SLC12A7: variants seen among roughly 807,000 people sequenced by gnomAD.
SLC12A7 encodes solute carrier family 12 member 7.
In SLC12A7, 100 loss-of-function variants were observed where a neutral mutation model predicts 120.6. The observed-to-expected ratio is 0.83, with a 90% CI of 0.71 to 0.98. The LOEUF (loss-of-function observed/expected upper bound fraction) is 0.98. Ranked by LOEUF, SLC12A7 falls within the 50% of genes least tolerant of loss-of-function variation. The pLI, the probability that SLC12A7 is intolerant of heterozygous loss-of-function variation, is 0.00. For synonymous variants in SLC12A7, 760 were observed against 678.0 expected (o/e 1.12, Z -1.88); for missense variants, 1,373 against 1,548.1 (o/e 0.89, Z 1.90).
Position 1,078,769 on chromosome 5 carries a change from C to G in SLC12A7, c.1397-11G>C. ...CAATGCAGGAGAGATCCACAGCCCT[C>G]GTCAAGGAAAGGCAGGTCCGTGGGT... On this transcript the variant is annotated splice_polypyrimidine_tract_variant and intron_variant, in intron 10 of 23. Coordinates refer to ENST00000264930, the MANE Select transcript of SLC12A7 (RefSeq NM_006598.3). The G allele has an allele frequency of 1.3e-6, 2 of 1,593,664 alleles. No homozygotes were observed. The highest frequency in any genetic ancestry group is 1.7e-6 in the Non-Finnish European group (2 of 1,170,878).
intron 23 of SLC12A7, among the ~76,000 whole-genome samples, chr5:1,052,780 C>T (rs1353456161): frequency 6.6e-6 from 1 of 152,220 alleles, no homozygotes; most frequent in Non-Finnish European, 1.5e-5. Context: ...TACAGGGGAC[C>T]TGGGCCACGG....
chr5:1,153,541 C>T, the SLC12A7 span, among the ~76,000 whole-genome samples: 8 of 152,308 alleles, frequency 5.3e-5, no homozygotes, highest in South Asian at 8.3e-4. Context: ...AGGGTCGGCC[C>T]GACTCAGGAC....
chr5:1,120,325 C>T, the SLC12A7 span, among the ~76,000 whole-genome samples: 6 of 152,344 alleles, frequency 3.9e-5, no homozygotes, highest in South Asian at 1.2e-3. Flanking sequence ...CCGGCAGTGT[C>T]CGGATCACAC....
the SLC12A7 span, among the ~76,000 whole-genome samples, chr5:1,125,416 A>C: frequency 6.6e-6 from 1 of 152,142 alleles, no homozygotes; most frequent in Admixed American, 6.5e-5. Flanking sequence ...AGTGCATAAT[A>C]ATGGTATTTT....
At chr5:1,092,703 G>A (rs1378141919) in intron 3 of SLC12A7, among the ~76,000 whole-genome samples, 1 of 152,130 alleles carries the variant, frequency 6.6e-6, no homozygotes, top group Non-Finnish European at 1.5e-5. Context: ...CAGGGCCTGC[G>A]CTGCTTGGTT....
chr5:1,098,053 A>G (rs959077790), intron 1 of SLC12A7, among the ~76,000 whole-genome samples: 2 of 151,424 alleles, frequency 1.3e-5, no homozygotes, highest in South Asian at 2.1e-4. Flanking sequence ...TAAAAATCCA[A>G]TGCCCTCTCT....
the SLC12A7 span, among the ~76,000 whole-genome samples, chr5:1,118,479 C>T: frequency 6.6e-6 from 1 of 152,236 alleles, no homozygotes; most frequent in African/African-American, 2.4e-5. Flanking sequence ...CTGGCAGCAG[C>T]GCCAGGGATT....
chr5:1,139,069 G>GC, the SLC12A7 span, among the ~76,000 whole-genome samples: 3 of 49,118 alleles, frequency 6.1e-5, no homozygotes, highest in Non-Finnish European at 1.0e-4. Flanking sequence ...GCTTGGGGTG[G>GC]GGGGGGGGCT....
At chr5:1,075,865 G>A (rs1579361968) in intron 14 of SLC12A7, 16 of 514,588 alleles carry the variant, frequency 3.1e-5, no homozygotes, top group Admixed American at 1.1e-4. Context: ...GGCTGACCAC[G>A]GGAGGTACAA....
At chr5:1,154,873 G>C in the SLC12A7 span, among the ~76,000 whole-genome samples, 3 of 152,214 alleles carry the variant, frequency 2.0e-5, no homozygotes, top group African/African-American at 7.2e-5. Flanking sequence ...GGGAACAGCA[G>C]ATGGACCCTC....
chr5:1,093,204 C>T (rs550654274), intron 3 of SLC12A7, among the ~76,000 whole-genome samples: 26 of 152,306 alleles, frequency 1.7e-4, no homozygotes, highest in Admixed American at 1.1e-3. Flanking sequence ...CCCGGCCTCT[C>T]GGCACCATTC....
chr5:1,091,925 G>A (rs73028884), intron 3 of SLC12A7, among the ~76,000 whole-genome samples: 28 of 137,830 alleles, frequency 2.0e-4, no homozygotes, highest in South Asian at 1.3e-3. Flanking sequence ...CTACAGACAG[G>A]GGGGGCGGCC....
At chr5:1,058,512 G>A (rs576629638) in intron 21 of SLC12A7, among the ~76,000 whole-genome samples, 28 of 152,360 alleles carry the variant, frequency 1.8e-4, no homozygotes, top group African/African-American at 5.0e-4. Flanking sequence ...GGAGCCACTC[G>A]TCCCAGGGGC....
intron 21 of SLC12A7, 100 bp from the exon 22 acceptor site, chr5:1,057,749 C>T (rs1331594065): frequency 1.7e-6 from 2 of 1,157,824 alleles, no homozygotes; most frequent in Non-Finnish European, 2.4e-6. Flanking sequence ...GCTCACAGAA[C>T]CTGAAGGGCC....
Position 1,078,718 on chromosome 5 carries a change from G to A in SLC12A7, c.1437C>T (p.Gly479=), listed in dbSNP as rs751891975. 18 of 1,612,108 alleles carry A rather than the reference G, an allele frequency of 1.1e-5. No individual in the cohort carries two copies. Among genetic ancestry groups the A allele is most frequent in the East Asian group, 6.7e-5 (3 of 44,840 alleles). ...AAACGTACTTATCTCGTAAGACCAC[G>A]CCTTCAATGCAGGCCCCAAACAGCA... ...CIVLFGACIE[G]VVLRDKFGEA... is the part of the protein sequence containing the mutation. The change falls in exon 11 of 24, where the codon GGC becomes GGT. Residue 479 remains glycine, a synonymous_variant. Transcript: ENST00000264930.
intron 13 of SLC12A7, 71 bp downstream of exon 13, chr5:1,076,623 C>T (rs1004372780): frequency 2.0e-4 from 227 of 1,138,498 alleles, no homozygotes; most frequent in Non-Finnish European, 2.8e-4. Flanking sequence ...TGAGCAGGAC[C>T]TCCCATCCAC....
the SLC12A7 span, among the ~76,000 whole-genome samples, chr5:1,140,649 C>T: frequency 6.6e-5 from 10 of 152,254 alleles, no homozygotes; most frequent in East Asian, 3.8e-4. Flanking sequence ...GCTGGCTCCA[C>T]GCTCTCTACT....
the SLC12A7 span, among the ~76,000 whole-genome samples, chr5:1,126,054 C>T: frequency 9.3e-3 from 1,416 of 152,050 alleles, 10 homozygotes; most frequent in Non-Finnish European, 0.012. Flanking sequence ...TATATTTACA[C>T]AATATTAACC....
At chr5:1,067,675 G>A (rs1010841159) in intron 17 of SLC12A7, among the ~76,000 whole-genome samples, 4 of 152,262 alleles carry the variant, frequency 2.6e-5, no homozygotes, top group Non-Finnish European at 5.9e-5. Flanking sequence ...CTGGCTCCGA[G>A]GAGTCGGAGC....
Sources: gnomAD v4.1 joint callset for allele counts (sites outside exome capture counted in the v4.1 genomes callset) on GRCh38, gnomAD v4.1.1 for gene constraint, MANE v1.5 for transcripts, NCBI Gene and HGNC (gene_info 2026-07-23, HGNC 2026-07-21) for gene names.